The following CDK19 variants were observed in gnomAD, a reference collection of about 807,000 sequenced individuals.
CDK19 encodes cyclin-dependent kinase 19.
A neutral mutation model predicts 68.3 loss-of-function variants in CDK19; 20 were observed. The observed-to-expected ratio is 0.29, with a 90% CI of 0.21 to 0.43. The LOEUF (loss-of-function observed/expected upper bound fraction) is 0.43, where lower values mean the gene tolerates loss of function less well. Among genes scored for constraint, CDK19 ranks in the 20% least tolerant of loss-of-function variants. The pLI is 1.00. For synonymous variants in CDK19, 221 were observed against 222.8 expected (o/e 0.99, Z 0.07); for missense variants, 339 against 623.5 (o/e 0.54, Z 4.86).
chr6:110,763,789 T>C (rs796352647), intron 1 of CDK19, among the ~76,000 whole-genome samples: 11 of 152,242 alleles, frequency 7.2e-5, no homozygotes, highest in African/African-American at 2.6e-4. Context: ...ATAAGAGGTA[T>C]ACAGATTGGA....
chr6:110,710,845 C>T (rs2114688464), intron 2 of CDK19, among the ~76,000 whole-genome samples: 1 of 152,298 alleles, frequency 6.6e-6, no homozygotes, highest in Middle Eastern at 3.4e-3. Flanking sequence ...CATATCCTCC[C>T]TCCCGTAGAA....
chr6:110,647,808 G>T (rs1030782487), intron 4 of CDK19, among the ~76,000 whole-genome samples: 1 of 152,130 alleles, frequency 6.6e-6, no homozygotes, highest in Non-Finnish European at 1.5e-5. Flanking sequence ...TATAATGTTG[G>T]TTGCAAAACC....
chr6:110,643,693 T>C lies in CDK19; in HGVS notation c.457-4987A>G, dbSNP rs577333176. Among the ~76,000 whole-genome samples, 8 of 152,316 alleles carry C rather than the reference T, an allele frequency of 5.3e-5. No homozygotes were observed. In the East Asian group the frequency reaches 7.7e-4, roughly 15 times the overall value. On this transcript the variant is annotated intron_variant, in intron 4 of 12. Coordinates refer to ENST00000368911, the MANE Select transcript of CDK19 (RefSeq NM_015076.5). ...AGACATGGCATGTTGAGAGTTTATA[T>C]ATATTTTGATGTGACAAGAGCAGTG...
chr6:110,805,151 C>T (rs1315899490), intron 1 of CDK19, among the ~76,000 whole-genome samples: 1 of 152,140 alleles, frequency 6.6e-6, no homozygotes, highest in Non-Finnish European at 1.5e-5. Context: ...ACAGCTATTA[C>T]AGGAAGTGTT....
At chr6:110,796,827 G>A (rs1318436870) in intron 1 of CDK19, among the ~76,000 whole-genome samples, 1 of 150,962 alleles carries the variant, frequency 6.6e-6, no homozygotes, top group Non-Finnish European at 1.5e-5. Context: ...GGCCAACATG[G>A]TGAAATCCCG....
intron 1 of CDK19, among the ~76,000 whole-genome samples, chr6:110,792,654 G>A (rs1781683265): frequency 6.6e-6 from 1 of 152,202 alleles, no homozygotes; most frequent in Admixed American, 6.6e-5. Flanking sequence ...TGATCCACCC[G>A]CCGCGACAGG....
chr6:110,762,797 A>G, intron 1 of CDK19, among the ~76,000 whole-genome samples: 1 of 152,218 alleles, frequency 6.6e-6, no homozygotes, highest in East Asian at 1.9e-4. Context: ...AATACATATC[A>G]GTAAAAATGG....
intron 2 of CDK19, among the ~76,000 whole-genome samples, chr6:110,717,161 C>A (rs1029867974): frequency 6.6e-6 from 1 of 151,810 alleles, no homozygotes; most frequent in Admixed American, 6.6e-5. Flanking sequence ...ATAAATAGAA[C>A]GTATGAGTTT....
At chr6:110,734,529 C>CTG (rs1554214790) in intron 2 of CDK19, among the ~76,000 whole-genome samples, 1 of 144,234 alleles carries the variant, frequency 6.9e-6, no homozygotes, top group East Asian at 2.4e-4. Flanking sequence ...TGCTCTCTCT[C>CTG]TCTCTCTCTC....
chr6:110,759,450 T>TAA lies in CDK19; in HGVS notation c.129-13251_129-13250dup, dbSNP rs35306822. Among the ~76,000 whole-genome samples the TAA allele has an allele frequency of 1.0e-3, 116 of 114,300 alleles. 1 individual carries two copies. Among genetic ancestry groups the TAA allele is most frequent in the South Asian group, 5.2e-3 (19 of 3,636 alleles). 75.0% of individuals were successfully genotyped at this position (114,300 alleles called of 152,430 possible). ...AAAAATATATATATATATATATATA[T>TAA]AAATTAGCCAGGCATAGTAGCACAT... is the stretch of plus-strand genomic sequence containing the variant. On this transcript the variant is annotated intron_variant, in intron 1 of 12. Transcript: ENST00000368911.
At chr6:110,752,050 G>C (rs1457593396) in intron 1 of CDK19, among the ~76,000 whole-genome samples, 1 of 149,730 alleles carries the variant, frequency 6.7e-6, no homozygotes, top group Admixed American at 6.6e-5. Flanking sequence ...ATAAAAATTT[G>C]AAATAACAAA....
intron 2 of CDK19, among the ~76,000 whole-genome samples, chr6:110,702,313 G>A (rs1390997540): frequency 6.6e-6 from 1 of 151,996 alleles, no homozygotes; most frequent in African/African-American, 2.4e-5. Flanking sequence ...GCTGGGCATG[G>A]TTGCTCATAC....
intron 2 of CDK19, among the ~76,000 whole-genome samples, chr6:110,714,025 A>T (rs987033404): frequency 1.3e-4 from 20 of 152,350 alleles, no homozygotes; most frequent in African/African-American, 4.8e-4. Context: ...AATCACAATT[A>T]TATAATTCCA....
chr6:110,788,995 C>T (rs1781421795), intron 1 of CDK19, among the ~76,000 whole-genome samples: 1 of 152,170 alleles, frequency 6.6e-6, no homozygotes, highest in South Asian at 2.1e-4. Context: ...CACAAGTGAT[C>T]ACTTTTTACT....
At chr6:110,744,102 G>C (rs1002344030) in intron 2 of CDK19, among the ~76,000 whole-genome samples, 1 of 148,370 alleles carries the variant, frequency 6.7e-6, no homozygotes, top group African/African-American at 2.5e-5. Flanking sequence ...AACCTCCTAG[G>C]TTCAAGCAAT....
chr6:110,618,922 G>A (rs1562124158), intron 12 of CDK19, among the ~76,000 whole-genome samples: 5 of 152,082 alleles, frequency 3.3e-5, no homozygotes, highest in African/African-American at 1.2e-4. Flanking sequence ...AACCTTGACT[G>A]CCTGAGACAC....
chr6:110,667,374 A>G, intron 4 of CDK19, 60 bp downstream of exon 4: 1 of 1,127,124 alleles, frequency 8.9e-7, no homozygotes, highest in African/African-American at 1.6e-5. Context: ...CAAGAAGAAA[A>G]TATATTTTTT....
chr6:110,653,489 A>G (rs957299120), intron 4 of CDK19, among the ~76,000 whole-genome samples: 1 of 152,230 alleles, frequency 6.6e-6, no homozygotes, highest in Non-Finnish European at 1.5e-5. Context: ...ACTATGCTTT[A>G]CTAAAACTCC....
intron 1 of CDK19, among the ~76,000 whole-genome samples, chr6:110,769,156 A>AC (rs1486737572): frequency 6.6e-6 from 1 of 150,878 alleles, no homozygotes; most frequent in Non-Finnish European, 1.5e-5. Context: ...CTGTCTCAAA[A>AC]AAAAAAAAAA....
Sources: gnomAD v4.1 joint callset for allele counts (sites outside exome capture counted in the v4.1 genomes callset) on GRCh38, gnomAD v4.1.1 for gene constraint, MANE v1.5 for transcripts, NCBI Gene and HGNC (gene_info 2026-07-23, HGNC 2026-07-21) for gene names.